ITGAL: variants seen among roughly 807,000 people sequenced by gnomAD.
The protein encoded by ITGAL is integrin alpha-L.
ITGAL carries 68 observed loss-of-function variants against 138.4 expected under a neutral mutation model. The ratio of observed to expected loss-of-function variants is 0.49; its 90% CI spans 0.40 to 0.60. The LOEUF (loss-of-function observed/expected upper bound fraction) is 0.60. Among genes scored for constraint, ITGAL ranks in the 20% least tolerant of loss-of-function variants. The pLI is 0.00. For missense variants in ITGAL, 1,256 were observed against 1,478.6 expected (o/e 0.85, Z 2.47); for synonymous variants, 561 against 584.3 (o/e 0.96, Z 0.57).
chr16:30,521,505 A>G lies in ITGAL; in HGVS notation c.3353A>G (p.Lys1118Arg), dbSNP rs1337725293. Residue 1118 changes from lysine to arginine, a missense_variant, in exon 31 of 31, where the codon AAA becomes AGA. Lys to Arg is a conservative substitution (Grantham distance 26). This residue lies in a region of ITGAL where 867 missense variants were observed against 972.5 expected (regional missense o/e 0.89). Coordinates refer to ENST00000356798, the MANE Select transcript of ITGAL (RefSeq NM_002209.3). ...GTCTTTGTACAGGTTGGTTTCTTCA[A>G]ACGGAACCTGAAGGAGAAGATGGAG... ...FIVLYKVGFF[K>R]RNLKEKMEAG... 1.2e-6 allele frequency: 2 copies of G among 1,614,138 alleles called. No individual in the cohort carries two copies. Among genetic ancestry groups the G allele is most frequent in the Non-Finnish European group, 1.7e-6 (2 of 1,180,016 alleles).
At chr16:30,479,970 G>A (rs1446234990) in intron 6 of ITGAL, among the ~76,000 whole-genome samples, 2 of 148,548 alleles carry the variant, frequency 1.3e-5, no homozygotes, top group African/African-American at 5.0e-5. Context: ...TTGAGACAGG[G>A]TCTCACTGTG....
intron 9 of ITGAL, among the ~76,000 whole-genome samples, chr16:30,484,731 C>T (rs187449386): frequency 6.6e-6 from 1 of 152,170 alleles, no homozygotes; most frequent in Non-Finnish European, 1.5e-5. Context: ...CCAGCCTGGC[C>T]AACATGGCGA....
intron 4 of ITGAL, among the ~76,000 whole-genome samples, chr16:30,478,208 C>T (rs1464082674): frequency 6.6e-6 from 1 of 151,056 alleles, no homozygotes; most frequent in Non-Finnish European, 1.5e-5. Flanking sequence ...GTGGTGGGCA[C>T]CTGTAGTCCC....
In ITGAL at chr16:30,489,041, A is replaced by G. The variant is rs1295538371; in HGVS notation, c.1007-41A>G. 3.9e-6 allele frequency: 6 copies of G among 1,547,206 alleles called. 1 individual carries two copies. In the South Asian group the frequency reaches 6.7e-5, roughly 17 times the overall value. Reference sequence around the variant, plus strand: ...GCCATGAATTTTTTTCACTGCATTTACTGCTGTTGGGTCTCACCTGTTCTC... The same window carrying G: ...GCCATGAATTTTTTTCACTGCATTTGCTGCTGTTGGGTCTCACCTGTTCTC... On this transcript the variant is annotated intron_variant, in intron 9 of 30. Transcript: ENST00000356798.
intron 25 of ITGAL, among the ~76,000 whole-genome samples, chr16:30,514,557 A>G (rs2051139342): frequency 1.3e-5 from 2 of 151,804 alleles, no homozygotes; most frequent in Admixed American, 6.6e-5. Flanking sequence ...GATTACAGGC[A>G]TGAGCCACCG....
chr16:30,502,690 G>A (rs939777125), intron 17 of ITGAL, among the ~76,000 whole-genome samples: 38 of 151,256 alleles, frequency 2.5e-4, no homozygotes, highest in Non-Finnish European at 4.7e-4. Context: ...GGAGGTTGCA[G>A]TGAGCTGAGA....
At chr16:30,474,692 T>G in intron 2 of ITGAL, 2 of 184,506 alleles carry the variant, frequency 1.1e-5, no homozygotes, top group South Asian at 2.3e-4. Context: ...GAATCAAGGA[T>G]TGAATGAATG....
At chr16:30,482,296 T>C (rs1330707722) in intron 7 of ITGAL, among the ~76,000 whole-genome samples, 1 of 151,900 alleles carries the variant, frequency 6.6e-6, no homozygotes, top group Admixed American at 6.6e-5. Flanking sequence ...TAAAAATAAA[T>C]TAAAAAAGAA....
intron 17 of ITGAL, among the ~76,000 whole-genome samples, chr16:30,503,604 AAAAG>A (rs1472313618): frequency 1.3e-5 from 2 of 151,988 alleles, no homozygotes; most frequent in Non-Finnish European, 2.9e-5. Context: ...AGAAAAAAAG[AAAAG>A]AAAGAAGGAG....
chr16:30,507,476 A>G (rs538057064), intron 21 of ITGAL, among the ~76,000 whole-genome samples: 9 of 151,040 alleles, frequency 6.0e-5, no homozygotes, highest in African/African-American at 2.2e-4. Context: ...AACAAAAAAA[A>G]AAACAAAAAA....
intron 4 of ITGAL, chr16:30,477,344 G>C (rs1157621548): frequency 1.3e-5 from 2 of 151,446 alleles, no homozygotes; most frequent in Non-Finnish European, 2.9e-5. Flanking sequence ...TTGAGGCCAG[G>C]AGTTCAAGAC....
At chr16:30,514,494 C>G (rs1269382007) in intron 25 of ITGAL, among the ~76,000 whole-genome samples, 1 of 145,802 alleles carries the variant, frequency 6.9e-6, no homozygotes, top group African/African-American at 2.5e-5. Flanking sequence ...CCAGGCTGGT[C>G]TTGAACTCCT....
chr16:30,494,792 C>A lies in ITGAL; in HGVS notation c.1445C>A (p.Ala482Asp). ...DGETELLLIG[A>D]PLFYGEQRGG... ...GAGACAGAGCTGCTGCTGATTGGTG[C>A]CCCACTGTTCTATGGGGAGCAGAGA... The change falls in exon 13 of 31, where the codon GCC becomes GAC. Residue 482 changes from alanine to aspartate, a missense_variant. Physicochemically the swap from Ala to Asp is moderately radical, Grantham distance 126. Transcript: ENST00000356798. The surrounding 1 kb of genome is among the most constrained non-coding windows in gnomAD (Gnocchi z 4.2). 6.2e-7 allele frequency: 1 copy of A among 1,613,244 alleles called. No individual in the cohort carries two copies. Among genetic ancestry groups the A allele is most frequent in the Non-Finnish European group, 8.5e-7 (1 of 1,179,442 alleles).
rs11574949 is a variant in ITGAL, at chr16:30,519,908, G to T, written c.3280G>T (p.Val1094Leu). The part of the protein sequence containing the change: ...VYEKQMLYLY[V>L]LSGIGGLLLL... ...TGAGAAGCAGATGCTCTACCTCTAC[G>T]TGCTGAGCGGCATCGGGGGGCTGCT... The change falls in exon 30 of 31, where the codon GTG (valine) becomes TTG (leucine). Residue 1094 changes from valine to leucine, a missense_variant. Val to Leu is a conservative substitution (Grantham distance 32). Coordinates refer to ENST00000356798, the MANE Select transcript of ITGAL (RefSeq NM_002209.3). The T allele has an allele frequency of 2.5e-4, 411 of 1,613,872 alleles. 2 individuals are homozygous for T. The highest frequency in any genetic ancestry group is 4.9e-4 in the Middle Eastern group (3 of 6,082).
intron 9 of ITGAL, among the ~76,000 whole-genome samples, chr16:30,487,468 G>A (rs1019133315): frequency 3.9e-5 from 6 of 152,096 alleles, no homozygotes; most frequent in Non-Finnish European, 8.8e-5. Context: ...GGAGTGCAGT[G>A]GTGTGATCTT....
intron 9 of ITGAL, among the ~76,000 whole-genome samples, chr16:30,486,865 G>A (rs182736003): frequency 8.5e-5 from 13 of 152,212 alleles, no homozygotes; most frequent in East Asian, 5.8e-4. Context: ...GTGCGATCAC[G>A]GCTCACTGCA....
intron 18 of ITGAL, among the ~76,000 whole-genome samples, chr16:30,504,577 T>C (rs941463948): frequency 3.9e-5 from 6 of 152,006 alleles, no homozygotes; most frequent in Non-Finnish European, 8.8e-5. Context: ...GGTGCGCCCC[T>C]GTAGTCCCAG....
chr16:30,517,962 G>A, intron 28 of ITGAL, 67 bp downstream of exon 28: 1 of 1,290,974 alleles, frequency 7.7e-7, no homozygotes. Context: ...CGTTGTGGGT[G>A]GGCTCCCACC....
At chr16:30,474,116 G>T (rs772220323) in intron 1 of ITGAL, 80 bp from the exon 2 acceptor site, 2 of 1,049,728 alleles carry the variant, frequency 1.9e-6, no homozygotes, top group Non-Finnish European at 2.9e-6. Context: ...CATCCGGGTG[G>T]GCCTGGGATC....
Sources: allele counts gnomAD v4.1 joint callset (sites outside exome capture counted in the v4.1 genomes callset), GRCh38; gene constraint gnomAD v4.1.1; regional missense constraint gnomAD v4.1.1; non-coding constraint Gnocchi (gnomAD v3.1); transcripts MANE v1.5; gene names NCBI Gene and HGNC (gene_info 2026-07-23, HGNC 2026-07-21).